The following GLIS3 variants were observed in gnomAD, a reference collection of about 807,000 sequenced individuals.
GLIS3 encodes zinc finger protein GLIS3.
In GLIS3, 53 loss-of-function variants were observed where a neutral mutation model predicts 78.6. The ratio of observed to expected loss-of-function variants is 0.67; its 90% CI spans 0.54 to 0.85. The LOEUF is 0.85. GLIS3 is among the 40% of genes least tolerant of loss of function. The pLI is 0.00. For missense variants in GLIS3, 1,703 were observed against 1,231.1 expected, an observed-to-expected ratio of 1.38 and a Z score of -5.74; for synonymous variants, 684 against 509.9, an observed-to-expected ratio of 1.34 and a Z score of -4.60.
chr9:4,012,307 T>C (rs1238734341), intron 4 of GLIS3, among the ~76,000 whole-genome samples: 2 of 152,142 alleles, frequency 1.3e-5, no homozygotes, highest in Non-Finnish European at 2.9e-5. Flanking sequence ...TGAATTTCTA[T>C]TAGGTATTGG....
At chr9:4,179,195 G>A (rs1220747153) in intron 2 of GLIS3, among the ~76,000 whole-genome samples, 1 of 152,204 alleles carries the variant, frequency 6.6e-6, no homozygotes, top group East Asian at 1.9e-4. Context: ...ATCCAAATGT[G>A]TGAACCAAAC....
At chr9:4,068,161 C>T (rs1053514632) in intron 4 of GLIS3, among the ~76,000 whole-genome samples, 9 of 152,070 alleles carry the variant, frequency 5.9e-5, no homozygotes, top group Non-Finnish European at 4.4e-5. Flanking sequence ...AATTTAATGT[C>T]ATTTGCAAGA....
At chr9:3,942,036 T>C (rs1815963342) in intron 4 of GLIS3, among the ~76,000 whole-genome samples, 1 of 152,158 alleles carries the variant, frequency 6.6e-6, no homozygotes, top group Non-Finnish European at 1.5e-5. Context: ...AAAATAGGAT[T>C]TATTCTATAT....
At chr9:4,070,556 G>T (rs1232193354) in intron 4 of GLIS3, among the ~76,000 whole-genome samples, 2 of 152,048 alleles carry the variant, frequency 1.3e-5, no homozygotes, top group African/African-American at 4.8e-5. Context: ...GAGAGAGAGA[G>T]ATGCAGAGCA....
intron 4 of GLIS3, among the ~76,000 whole-genome samples, chr9:4,038,587 T>C (rs542068102): frequency 1.3e-5 from 2 of 152,314 alleles, no homozygotes; most frequent in South Asian, 4.1e-4. Flanking sequence ...TTCCCAGGCA[T>C]GTCTCTTTAA....
At chr9:3,957,249 T>C (rs1313110216) in intron 4 of GLIS3, among the ~76,000 whole-genome samples, 1 of 152,226 alleles carries the variant, frequency 6.6e-6, no homozygotes, top group Non-Finnish European at 1.5e-5. Flanking sequence ...TGCCTACGCA[T>C]TAAACCTGTT....
At chr9:4,325,667 G>C (rs1421986964) in intron 2 of GLIS3, among the ~76,000 whole-genome samples, 1 of 152,092 alleles carries the variant, frequency 6.6e-6, no homozygotes, top group Non-Finnish European at 1.5e-5. Flanking sequence ...CTTCCACCTA[G>C]AGTTTGAGCC....
At chr9:4,465,334 G>A in the GLIS3 span, among the ~76,000 whole-genome samples, 7 of 152,226 alleles carry the variant, frequency 4.6e-5, 1 homozygote, top group South Asian at 8.3e-4. Context: ...GATCACCAGA[G>A]GTCGGGAGTT....
chr9:4,022,842 C>A (rs938126435), intron 4 of GLIS3, among the ~76,000 whole-genome samples: 1 of 152,130 alleles, frequency 6.6e-6, no homozygotes, highest in African/African-American at 2.4e-5. Context: ...TATATGATAC[C>A]ATTTATTCTA....
the GLIS3 span, among the ~76,000 whole-genome samples, chr9:4,401,502 A>G: frequency 6.6e-6 from 1 of 151,182 alleles, no homozygotes. Context: ...AACCTCGGGT[A>G]ATCCACTTGC....
chr9:4,390,869 G>C, the GLIS3 span, among the ~76,000 whole-genome samples: 8 of 152,282 alleles, frequency 5.3e-5, no homozygotes, highest in South Asian at 1.4e-3. Context: ...AAGCAGTAGA[G>C]AGCTGGAGGC....
intron 2 of GLIS3, among the ~76,000 whole-genome samples, chr9:4,317,944 AAAT>A (rs1269350431): frequency 6.6e-6 from 1 of 152,236 alleles, no homozygotes; most frequent in Non-Finnish European, 1.5e-5. Context: ...GATTGATGAT[AAAT>A]AATATTAAAA....
intron 2 of GLIS3, among the ~76,000 whole-genome samples, chr9:4,163,585 T>C (rs1197224698): frequency 6.6e-6 from 1 of 152,200 alleles, no homozygotes; most frequent in African/African-American, 2.4e-5. Flanking sequence ...AGCATGGCAG[T>C]TTGGAGTGTG....
intron 4 of GLIS3, chr9:4,071,586 T>A (rs1451939677): frequency 6.6e-6 from 1 of 152,180 alleles, no homozygotes; most frequent in African/African-American, 2.4e-5. Flanking sequence ...TGCATGAATA[T>A]CTGCTAAATG....
chr9:4,486,179 G>C, the GLIS3 span, among the ~76,000 whole-genome samples: 1 of 152,160 alleles, frequency 6.6e-6, no homozygotes, highest in African/African-American at 2.4e-5. Context: ...GTTGGGCTCA[G>C]AATCCAATAC....
chr9:3,952,798 C>CT (rs1816787744), intron 4 of GLIS3, among the ~76,000 whole-genome samples: 6 of 152,080 alleles, frequency 3.9e-5, no homozygotes. Context: ...AAAGCAGACT[C>CT]TGATTTAGCA....
intron 2 of GLIS3, among the ~76,000 whole-genome samples, chr9:4,317,646 T>C (rs181628937): frequency 1.2e-4 from 19 of 152,364 alleles, no homozygotes; most frequent in Admixed American, 1.1e-3. Context: ...TCTAAATGTA[T>C]CTTTTTTAAA....
intron 4 of GLIS3, among the ~76,000 whole-genome samples, chr9:3,952,841 A>G (rs499004): frequency 0.029 from 4,458 of 152,028 alleles, 223 homozygotes; most frequent in African/African-American, 0.1. Flanking sequence ...CTACATTTCT[A>G]AAAAAAACTC....
At chr9:4,043,227 C>T (rs557899906) in intron 4 of GLIS3, among the ~76,000 whole-genome samples, 1 of 152,234 alleles carries the variant, frequency 6.6e-6, no homozygotes, top group South Asian at 2.1e-4. Flanking sequence ...TGAGACTTTA[C>T]GTCTTTGGCA....
Sources: allele counts gnomAD v4.1 joint callset (sites outside exome capture counted in the v4.1 genomes callset), GRCh38; gene constraint gnomAD v4.1.1; transcripts MANE v1.5; gene names NCBI Gene and HGNC (gene_info 2026-07-23, HGNC 2026-07-21).